ZNF718: variants seen among roughly 807,000 people sequenced by gnomAD.
ZNF718 encodes zinc finger protein 718.
Under a neutral mutation model 2.6 loss-of-function variants are expected in ZNF718, and 3 were observed. That is an observed-to-expected ratio of 1.16 (90% CI 0.53 to 3.01). The LOEUF is 3.01. Ranked by LOEUF, ZNF718 falls within the 30% of genes most tolerant of loss-of-function variation. ZNF718 has a pLI of 0.03. For missense variants in ZNF718, 468 were observed against 230.0 expected (o/e 2.03, Z -6.69); for synonymous variants, 135 against 77.9 (o/e 1.73, Z -3.86).
chr4:192,454 C>T (rs1553821371), intron 3 of ZNF718, among the ~76,000 whole-genome samples: 1 of 152,102 alleles, frequency 6.6e-6, no homozygotes, highest in East Asian at 1.9e-4. Flanking sequence ...GAGTTACAAG[C>T]CCCGTGTTTA....
chr4:178,389 T>C (rs1221137003), intron 3 of ZNF718, among the ~76,000 whole-genome samples: 1 of 152,108 alleles, frequency 6.6e-6, no homozygotes, highest in African/African-American at 2.4e-5. Context: ...TTCTCTCACC[T>C]CAGCCTCCCA....
Position 161,937 on chromosome 4 carries a change from A to G in ZNF718, c.1252A>G (p.Thr418Ala), listed in dbSNP as rs1553815478. Residue 418 changes from threonine (T) to alanine (A), a missense_variant, in exon 4 of 4, where the codon ACT becomes GCT. Transcript: ENST00000510175. ...ANLHNHKKIH[T>A]GEKPYICKQC... ...CCTGCATAATCATAAGAAAATTCATACTGGAGAGAAACCCTACATATGTAA... is the reference window on the plus strand; with the variant it reads ...CCTGCATAATCATAAGAAAATTCATGCTGGAGAGAAACCCTACATATGTAA... The G allele has an allele frequency of 2.6e-6, 2 of 779,864 alleles. No individual in the cohort carries two copies. The highest frequency in any genetic ancestry group is 1.7e-5 in the Admixed American group (1 of 58,840). The allele number at this position is 779,864 out of a possible 1,614,324, so 48.3% of individuals were successfully genotyped here.
chr4:132,933 A>G lies in ZNF718; in HGVS notation c.226+1428A>G. Among the ~76,000 whole-genome samples the G allele has an allele frequency of 2.0e-5, 2 of 98,994 alleles. 1 individual carries two copies. The highest frequency in any genetic ancestry group is 4.4e-5 in the Non-Finnish European group (2 of 45,466). The allele number at this position is 98,994 out of a possible 152,430, so 64.9% of individuals were successfully genotyped here. A position where few individuals can be genotyped will look rare whatever the true frequency, so the allele number is the denominator to read the frequency against. On this transcript the variant is annotated intron_variant, in intron 3 of 3. Coordinates refer to ENST00000510175, the MANE Select transcript of ZNF718 (RefSeq NM_001039127.6). ...GGTGGCTCACACCTGTAATCCCAGC[A>G]CTTTGGGAGACCGAGGGGGCAGATC...
At chr4:146,957 C>T (rs1393880950) in intron 3 of ZNF718, among the ~76,000 whole-genome samples, 2 of 151,978 alleles carry the variant, frequency 1.3e-5, no homozygotes, top group African/African-American at 2.4e-5. Context: ...TTGCATCTTA[C>T]TGAGTTTTTA....
chr4:153,566 T>TTTGTTTTTCAG (rs1278165941), intron 3 of ZNF718, among the ~76,000 whole-genome samples: 2 of 151,668 alleles, frequency 1.3e-5, no homozygotes, highest in Non-Finnish European at 3.0e-5. Context: ...CAGTTTTTCA[T>TTTGTTTTTCAG]ATTTTTATCA....
chr4:168,737 C>G (rs1304279542), downstream of ZNF718, among the ~76,000 whole-genome samples: 2 of 151,580 alleles, frequency 1.3e-5, no homozygotes, highest in African/African-American at 4.9e-5. Context: ...TTTGATTCTT[C>G]TCTCTTTTCT....
chr4:130,843 GTC>G lies in ZNF718; in HGVS notation c.61_62del (p.Leu21GlyfsTer9). Reference sequence around the variant, plus strand: ...GAATTCTCTCCAGAAGAGTGGAAATGTCTGGACACTTCCCAGCAGAATTTATA... The same window carrying G: ...GAATTCTCTCCAGAAGAGTGGAAATGTGGACACTTCCCAGCAGAATTTATA... On this transcript the variant is annotated frameshift_variant, in exon 2 of 4. Transcript: ENST00000510175. LOFTEE classifies it high-confidence loss of function. The G allele has an allele frequency of 2.6e-6, 1 of 391,686 alleles. No individual in the cohort carries two copies. The highest frequency in any genetic ancestry group is 4.6e-5 in the Admixed American group (1 of 21,840). The allele number at this position is 391,686 out of a possible 1,614,324, so 24.3% of individuals were successfully genotyped here. A position where few individuals can be genotyped will look rare whatever the true frequency, so the allele number is the denominator to read the frequency against.
chr4:177,696 C>A, intron 3 of ZNF718, among the ~76,000 whole-genome samples: 1 of 152,164 alleles, frequency 6.6e-6, no homozygotes, highest in Non-Finnish European at 1.5e-5. Flanking sequence ...TCTCTGGAGA[C>A]TGCAAGTCAA....
At chr4:134,534 A>T (rs1399983873) in intron 3 of ZNF718, among the ~76,000 whole-genome samples, 2 of 152,206 alleles carry the variant, frequency 1.3e-5, no homozygotes, top group African/African-American at 4.8e-5. Flanking sequence ...TTTCACTTTG[A>T]ATATATAGAT....
chr4:201,218 A>G (rs1553822730), intron 4 of ZNF718: 1 of 152,286 alleles, frequency 6.6e-6, no homozygotes. Context: ...ATTGGTGAGT[A>G]CACAAAAGCC....
chr4:151,903 C>G (rs1716341474), intron 3 of ZNF718, among the ~76,000 whole-genome samples: 1 of 150,808 alleles, frequency 6.6e-6, no homozygotes, highest in African/African-American at 2.4e-5. Flanking sequence ...CCTCTGAGTT[C>G]CCTTAGTATT....
intron 3 of ZNF718, among the ~76,000 whole-genome samples, chr4:190,578 CTA>C (rs1160316976): frequency 6.6e-6 from 1 of 152,034 alleles, no homozygotes; most frequent in Non-Finnish European, 1.5e-5. Flanking sequence ...ATTAATCAGT[CTA>C]TTTAATTTAC....
Position 124,518 on chromosome 4 carries a change from C to G in ZNF718, c.-153C>G. ...TCTGGCGCGGCTTTTGCTTGTAGCT[C>G]CAGCCAGAGCTCGGTTAGGGCCTCA... On this transcript the variant is annotated 5_prime_UTR_variant, in exon 1 of 4. Coordinates refer to ENST00000510175, the MANE Select transcript of ZNF718 (RefSeq NM_001039127.6). The G allele has an allele frequency of 9.2e-7, 1 of 1,087,736 alleles. No individual in the cohort carries two copies. Among genetic ancestry groups the G allele is most frequent in the South Asian group, 1.2e-5 (1 of 80,074 alleles). 67.4% of individuals were successfully genotyped at this position (1,087,736 alleles called of 1,614,324 possible). A position where few individuals can be genotyped will look rare whatever the true frequency, so the allele number is the denominator to read the frequency against.
intron 3 of ZNF718, among the ~76,000 whole-genome samples, chr4:151,687 C>G (rs1198419611): frequency 6.6e-6 from 1 of 152,060 alleles, no homozygotes; most frequent in Non-Finnish European, 1.5e-5. Flanking sequence ...ACCATGTTGG[C>G]CAGTCTGGTC....
chr4:156,592 T>C (rs1217181158), intron 3 of ZNF718, among the ~76,000 whole-genome samples: 1 of 152,202 alleles, frequency 6.6e-6, no homozygotes, highest in African/African-American at 2.4e-5. Context: ...CTTGCAAAGC[T>C]AAAATCACTC....
chr4:156,849 C>T (rs1445464802), intron 3 of ZNF718, among the ~76,000 whole-genome samples: 1 of 152,092 alleles, frequency 6.6e-6, no homozygotes, highest in African/African-American at 2.4e-5. Context: ...TGATGAGAGA[C>T]ATTTGCATTA....
At chr4:137,841 T>C (rs1322363633) in intron 3 of ZNF718, among the ~76,000 whole-genome samples, 2 of 152,214 alleles carry the variant, frequency 1.3e-5, no homozygotes, top group Non-Finnish European at 2.9e-5. Context: ...TGTTTTTAAA[T>C]TTGTTACTCA....
chr4:165,625 C>T (rs1717068284), downstream of ZNF718, among the ~76,000 whole-genome samples: 1 of 152,130 alleles, frequency 6.6e-6, no homozygotes, highest in African/African-American at 2.4e-5. Context: ...ATGGCAAAAC[C>T]CCGTTTCTAC....
At chr4:193,403 G>T (rs1419572770) in intron 3 of ZNF718, among the ~76,000 whole-genome samples, 1 of 152,012 alleles carries the variant, frequency 6.6e-6, no homozygotes, top group Non-Finnish European at 1.5e-5. Flanking sequence ...TTGCTGTGTG[G>T]GCATGGAGGA....
Sources: gnomAD v4.1 joint callset for allele counts (sites outside exome capture counted in the v4.1 genomes callset) on GRCh38, gnomAD v4.1.1 for gene constraint, MANE v1.5 for transcripts, NCBI Gene and HGNC (gene_info 2026-07-23, HGNC 2026-07-21) for gene names.